UNC93A: variants seen among roughly 807,000 people sequenced by gnomAD.
UNC93A encodes unc-93 homolog A, also known as N-acetylglucosamine transporter UNC93A.
A neutral mutation model predicts 47.5 loss-of-function variants in UNC93A; 43 were observed. That is an observed-to-expected ratio of 0.91 (90% confidence interval 0.71 to 1.17). The LOEUF (loss-of-function observed/expected upper bound fraction) is 1.17. Ranked by LOEUF, UNC93A falls within the 50% of genes most tolerant of loss-of-function variation. The pLI, the probability that UNC93A is intolerant of heterozygous loss-of-function variation, is 0.00. For missense variants in UNC93A, 605 were observed against 577.6 expected, an observed-to-expected ratio of 1.05 and a Z score of -0.49; for synonymous variants, 280 against 258.0, an observed-to-expected ratio of 1.09 and a Z score of -0.82.
At chr6:167,307,726 C>A in intron 6 of UNC93A, 53 bp from the exon 7 acceptor site, 1 of 1,562,730 alleles carries the variant, frequency 6.4e-7, no homozygotes, top group South Asian at 1.1e-5. Context: ...CAGGCCCCTC[C>A]AGGCCATGAT....
rs1186460681 is a variant in UNC93A at position 167,296,140 on chromosome 6, G to T, written c.378G>T (p.Ala126=). The T allele has an allele frequency of 6.2e-7, 1 of 1,614,092 alleles. No individual in the cohort carries two copies. The highest frequency in any genetic ancestry group is 8.5e-7 in the Non-Finnish European group (1 of 1,180,056). The change falls in exon 3 of 8, where the codon GCG becomes GCT. Residue 126 remains alanine, a synonymous_variant. Transcript: ENST00000230256. ...TITGNTHAEK[A]GKRGKDMVNQ... is the part of the protein sequence containing the mutation. ...CGGGAAACACACATGCAGAGAAGGC[G>T]GGAAAGCGTGGCAAAGACATGGTGA... is the stretch of plus-strand genomic sequence containing the variant.
At chr6:167,300,875 A>G (rs1276113889) in intron 4 of UNC93A, among the ~76,000 whole-genome samples, 1 of 152,240 alleles carries the variant, frequency 6.6e-6, no homozygotes, top group Non-Finnish European at 1.5e-5. Context: ...TATCTATAAA[A>G]GAACAGAATT....
At chr6:167,269,350 A>G (rs893287261), upstream of UNC93A, among the ~76,000 whole-genome samples, 1 of 152,206 alleles carries the variant, frequency 6.6e-6, no homozygotes, top group Non-Finnish European at 1.5e-5. Context: ...CACTGTTCTG[A>G]TAAGAAGAAA....
At chr6:167,301,079 G>A (rs1778228232) in intron 4 of UNC93A, among the ~76,000 whole-genome samples, 1 of 152,262 alleles carries the variant, frequency 6.6e-6, no homozygotes, top group Admixed American at 6.5e-5. Context: ...TCAAAAGCAG[G>A]CAGTGGGCAG....
Position 167,305,723 on chromosome 6 carries a change from C to T in UNC93A, c.841-192C>T, listed in dbSNP as rs566685535. On this transcript the variant is annotated intron_variant, in intron 5 of 7. Transcript: ENST00000230256. ...GTCCAAACTGCCTCCTTTTAGTTCT[C>T]CCCAAACAGGATTTTCTTACAAACA... Among the ~76,000 whole-genome samples the T allele has an allele frequency of 1.8e-3, 276 of 152,290 alleles. 2 individuals carry two copies. The highest frequency in any genetic ancestry group is 0.016 in the South Asian group (77 of 4,820).
Position 167,294,776 on chromosome 6 carries a change from C to T in UNC93A, c.269+78C>T, listed in dbSNP as rs902999354. On this transcript the variant is annotated intron_variant, in intron 2 of 7. Coordinates refer to ENST00000230256, the MANE Select transcript of UNC93A (RefSeq NM_018974.4). ...GGACGTTCACTCTGCACATGAGTTG[C>T]ATTTGCACCTGATTACTGTTCACTG... 2.8e-6 allele frequency: 4 copies of T among 1,453,180 alleles called. No individual in the cohort carries two copies. The African/African-American group carries it at 5.7e-5, about 21-fold the overall frequency. 90.0% of individuals were successfully genotyped at this position (1,453,180 alleles called of 1,614,324 possible). A position where few individuals can be genotyped will look rare whatever the true frequency, so the allele number is the denominator to read the frequency against.
At chr6:167,307,736 T>G (rs1364754922) in intron 6 of UNC93A, 43 bp from the exon 7 acceptor site, 2 of 1,570,994 alleles carry the variant, frequency 1.3e-6, no homozygotes, top group African/African-American at 3.1e-5. Context: ...CAGGCCATGA[T>G]GATGGCCCTC....
intron 3 of UNC93A, among the ~76,000 whole-genome samples, chr6:167,297,285 C>A (rs565407757): frequency 2.8e-4 from 43 of 151,550 alleles, no homozygotes; most frequent in South Asian, 6.3e-4. Context: ...CCTTCTTGTA[C>A]CTTCTCTTAT....
In UNC93A at chr6:167,295,655, C is replaced by G. The variant is rs1438469513; in HGVS notation, c.270-377C>G. Among the ~76,000 whole-genome samples, 62 of 69,834 alleles carry G rather than the reference C, an allele frequency of 8.9e-4. 3 individuals carry two copies. Among genetic ancestry groups the G allele is most frequent in the African/African-American group, 5.5e-3 (54 of 9,804 alleles). The allele number at this position is 69,834 out of a possible 152,430, so 45.8% of individuals were successfully genotyped here. A position where few individuals can be genotyped will look rare whatever the true frequency, so the allele number is the denominator to read the frequency against. On this transcript the variant is annotated intron_variant, in intron 2 of 7. Transcript: ENST00000230256. The stretch of plus-strand genomic sequence containing the variant: ...CTCGCCTGCCTCGTGCTCCTCGCCT[C>G]CCTCGTGATCCTCGCCTGCCTCGTG...
chr6:167,270,608 C>T (rs148078345), upstream of UNC93A, among the ~76,000 whole-genome samples: 25 of 152,254 alleles, frequency 1.6e-4, no homozygotes, highest in African/African-American at 5.3e-4. Context: ...TGCCTGTGAA[C>T]GAGCCCTCAC....
At chr6:167,287,392 C>G (rs762098697), upstream of UNC93A, among the ~76,000 whole-genome samples, 2 of 152,150 alleles carry the variant, frequency 1.3e-5, no homozygotes, top group Non-Finnish European at 2.9e-5. Flanking sequence ...TACTCCCTAT[C>G]GTCCCACCTG....
At chr6:167,278,387 T>C (rs1159371632) in intron 1 of UNC93A, among the ~76,000 whole-genome samples, 3 of 152,092 alleles carry the variant, frequency 2.0e-5, no homozygotes, top group Admixed American at 2.0e-4. Context: ...GACTGGTTCA[T>C]CAGTTACCAT....
intron 1 of UNC93A, among the ~76,000 whole-genome samples, chr6:167,274,796 A>G (rs907652567): frequency 6.6e-6 from 1 of 152,204 alleles, no homozygotes; most frequent in African/African-American, 2.4e-5. Flanking sequence ...ACTAGCGAGT[A>G]ATGAAGTAAT....
At chr6:167,304,154 C>T (rs372103658) in intron 5 of UNC93A, 21 bp downstream of exon 5, 61 of 1,613,308 alleles carry the variant, frequency 3.8e-5, no homozygotes, top group African/African-American at 1.1e-4. Context: ...AAGTGAGGGC[C>T]GGTGGCTCAG....
At chr6:167,296,634 G>C (rs761895167) in intron 3 of UNC93A, among the ~76,000 whole-genome samples, 24 of 152,210 alleles carry the variant, frequency 1.6e-4, no homozygotes, top group Non-Finnish European at 5.9e-5. Flanking sequence ...TCTTTTCCCT[G>C]TGACTTGATA....
At chr6:167,284,104 G>T (rs955769301) in intron 1 of UNC93A, among the ~76,000 whole-genome samples, 1 of 152,124 alleles carries the variant, frequency 6.6e-6, no homozygotes, top group Admixed American at 6.5e-5. Context: ...ATGCTCTCTG[G>T]CTTCTGCTCA....
chr6:167,306,819 G>GT (rs1778410114), intron 6 of UNC93A, among the ~76,000 whole-genome samples: 1 of 152,206 alleles, frequency 6.6e-6, no homozygotes, highest in Non-Finnish European at 1.5e-5. Context: ...GGGGCATGCG[G>GT]TGTGGACCTG....
At chr6:167,285,281 C>T (rs206990) in intron 1 of UNC93A, among the ~76,000 whole-genome samples, 40,674 of 151,726 alleles carry the variant, frequency 0.27, 6,278 homozygotes, top group Non-Finnish European at 0.32. Flanking sequence ...CACGTCTTCC[C>T]GTGTCTAAAG....
Position 167,294,668 on chromosome 6 carries a change from C to T in UNC93A, c.239C>T (p.Ala80Val), listed in dbSNP as rs1474634127. 1 of 1,603,680 alleles carries T rather than the reference C, an allele frequency of 6.2e-7. No homozygotes were observed. Among genetic ancestry groups the T allele is most frequent in the Non-Finnish European group, 8.5e-7 (1 of 1,172,022 alleles). ...ATCCTCTCCATGTGTGGCTACGTGG[C>T]CTTCTCCGTGGGCAACTTCTTCGCC... Reference protein sequence around the residue: ...TIILSMCGYVAFSVGNFFASW... With the variant: ...TIILSMCGYVVFSVGNFFASW... The change falls in exon 2 of 8, where the codon GCC becomes GTC. Residue 80 changes from alanine (A) to valine (V), a missense_variant. By Grantham distance (64) the Ala-to-Val change is moderately conservative. Transcript: ENST00000230256.
Sources: gnomAD v4.1 joint callset for allele counts (sites outside exome capture counted in the v4.1 genomes callset) on GRCh38, gnomAD v4.1.1 for gene constraint, MANE v1.5 for transcripts, NCBI Gene and HGNC (gene_info 2026-07-23, HGNC 2026-07-21) for gene names.